Variants in LRCH2 observed in about 807,000 individuals in gnomAD.
LRCH2 encodes the protein leucine-rich repeat and calponin homology domain-containing protein 2.
A neutral mutation model predicts 68.9 loss-of-function variants in LRCH2; 38 were observed. The ratio of observed to expected loss-of-function variants is 0.55; its 90% CI spans 0.43 to 0.72. LRCH2 has a LOEUF of 0.72. Among genes scored for constraint, LRCH2 ranks in the 30% least tolerant of loss-of-function variants. LRCH2 has a pLI of 0.00. For synonymous variants in LRCH2, 191 were observed against 208.1 expected, an observed-to-expected ratio of 0.92 and a Z score of 0.71; for missense variants, 528 against 572.9, an observed-to-expected ratio of 0.92 and a Z score of 0.80.
At chrX:115,118,089 G>A (rs2072099358) in intron 20 of LRCH2, among the ~76,000 whole-genome samples, 1 of 110,447 alleles carries the variant, frequency 9.1e-6, no homozygotes. Context: ...TAGTGAGGTA[G>A]TGAATGCTTG....
Position 115,111,559 on chromosome X carries a change from T to A in LRCH2, c.*1657A>T, listed in dbSNP as rs1010706020. 1.8e-4 allele frequency: 20 copies of A among 110,935 alleles called. 1 individual carries two copies. The highest frequency in any genetic ancestry group is 1.4e-3 in the Admixed American group (14 of 10,286). The allele number at this position is 110,935 out of a possible 1,213,427, so 9.1% of individuals were successfully genotyped here. A position where few individuals can be genotyped will look rare whatever the true frequency, so the allele number is the denominator to read the frequency against. ...AGATTATGTCAGCGAGTTTTTTTTT[T>A]ATCCAACTAAAAAATTAACAACTAA... On this transcript the variant is annotated 3_prime_UTR_variant, in exon 21 of 21. Transcript: ENST00000317135.
At chrX:115,181,153 A>G (rs1331723967) in intron 3 of LRCH2, among the ~76,000 whole-genome samples, 3 of 111,616 alleles carry the variant, frequency 2.7e-5, no homozygotes, top group African/African-American at 9.8e-5. Context: ...AGCGCACCTG[A>G]CAGGTACAAA....
chrX:115,227,534 T>C (rs2073127089), intron 1 of LRCH2, among the ~76,000 whole-genome samples: 1 of 110,146 alleles, frequency 9.1e-6, no homozygotes, highest in Non-Finnish European at 1.9e-5. Context: ...GACACAGTCA[T>C]CTATGTTTAA....
intron 1 of LRCH2, chrX:115,191,730 C>T: frequency 4.3e-6 from 5 of 1,164,705 alleles, no homozygotes; most frequent in Non-Finnish European, 5.7e-6. Context: ...ACAGTGGGGG[C>T]CATGACAGTT....
chrX:115,115,156 T>A (rs1386694371), intron 20 of LRCH2, among the ~76,000 whole-genome samples: 2 of 110,582 alleles, frequency 1.8e-5, no homozygotes, highest in African/African-American at 6.5e-5. Flanking sequence ...GATTCGGTAA[T>A]CCCAGCAAAA....
chrX:115,131,254 C>CG lies in LRCH2; in HGVS notation c.1696-1056_1696-1055insC, dbSNP rs1361041081. ...TATATCTCCTAATGCAATCCCTCCC[C>CG]CCCCCTCCACACCATGACAGGCCCT... On this transcript the variant is annotated intron_variant, in intron 14 of 20. Coordinates refer to ENST00000317135, the MANE Select transcript of LRCH2 (RefSeq NM_020871.4). Among the ~76,000 whole-genome samples, 18 of 85,121 alleles carry CG rather than the reference C, an allele frequency of 2.1e-4. 1 individual carries two copies. The highest frequency in any genetic ancestry group is 2.7e-4 in the Non-Finnish European group (12 of 44,942). The allele number at this position is 85,121 out of a possible 115,157, so 73.9% of individuals were successfully genotyped here. A position where few individuals can be genotyped will look rare whatever the true frequency, so the allele number is the denominator to read the frequency against.
chrX:115,121,798 T>A (rs1556526137), intron 20 of LRCH2, among the ~76,000 whole-genome samples: 1 of 112,077 alleles, frequency 8.9e-6, no homozygotes, highest in Non-Finnish European at 1.9e-5. Flanking sequence ...AGGGAAGAGA[T>A]TAAAGTGGGA....
chrX:115,121,171 TAATA>T lies in LRCH2; in HGVS notation c.2178+1352_2178+1355del, dbSNP rs781822005. Among the ~76,000 whole-genome samples, 335 of 107,732 alleles carry T rather than the reference TAATA, an allele frequency of 3.1e-3. 1 individual carries two copies. The highest frequency in any genetic ancestry group is 8.4e-3 in the African/African-American group (249 of 29,512). 93.6% of individuals were successfully genotyped at this position (107,732 alleles called of 115,157 possible). A position where few individuals can be genotyped will look rare whatever the true frequency, so the allele number is the denominator to read the frequency against. Reference sequence around the variant, plus strand: ...ATGTGCCCTAAAACTTAAAGTATAATAATAAATAAATAAATAAATAAATAAATAA... The same window carrying T: ...ATGTGCCCTAAAACTTAAAGTATAATAATAAATAAATAAATAAATAAATAA... On this transcript the variant is annotated intron_variant, in intron 20 of 20. Coordinates refer to ENST00000317135, the MANE Select transcript of LRCH2 (RefSeq NM_020871.4).
At chrX:115,209,444 T>C (rs2072991457) in intron 1 of LRCH2, among the ~76,000 whole-genome samples, 2 of 112,399 alleles carry the variant, frequency 1.8e-5, no homozygotes, top group Admixed American at 1.9e-4. Flanking sequence ...TATTCTCTTG[T>C]CTGCCACTAT....
rs185017739 is a variant in LRCH2 at position 115,140,762 on chromosome X, A to G, written c.1695+9065T>C. Among the ~76,000 whole-genome samples the G allele has an allele frequency of 2.6e-3, 288 of 111,875 alleles. 3 individuals are homozygous for G. The highest frequency in any genetic ancestry group is 4.4e-3 in the Non-Finnish European group (236 of 53,178). On this transcript the variant is annotated intron_variant, in intron 14 of 20. Transcript: ENST00000317135. ...CTGAGAGAGGTTCCTCTACCTGTGG[A>G]AAGGGGAAAGAAGAGTGGCAAGGAC...
chrX:115,166,728 G>A (rs1384578126), intron 6 of LRCH2, among the ~76,000 whole-genome samples: 1 of 110,386 alleles, frequency 9.1e-6, no homozygotes, highest in African/African-American at 3.3e-5. Flanking sequence ...ACTCTTCATT[G>A]GCTCTAAAAA....
intron 1 of LRCH2, among the ~76,000 whole-genome samples, chrX:115,221,804 G>T (rs781980557): frequency 1.9e-4 from 21 of 110,468 alleles, no homozygotes; most frequent in Admixed American, 5.8e-4. Context: ...AAATCACAGC[G>T]GCTATAATAG....
chrX:115,205,489 G>A (rs1322703250), intron 1 of LRCH2, among the ~76,000 whole-genome samples: 5 of 112,117 alleles, frequency 4.5e-5, no homozygotes, highest in Non-Finnish European at 9.4e-5. Flanking sequence ...ATCATCAAGT[G>A]TACCATATAT....
chrX:115,154,869 T>C (rs2072460662), intron 12 of LRCH2, among the ~76,000 whole-genome samples: 1 of 108,229 alleles, frequency 9.2e-6, no homozygotes, highest in African/African-American at 3.4e-5. Flanking sequence ...AAGAAAATAA[T>C]ACAAGTGGGC....
chrX:115,188,191 AAAAACC>A (rs1240243961), intron 2 of LRCH2, 29 bp downstream of exon 2: 1 of 1,053,065 alleles, frequency 9.5e-7, no homozygotes, highest in Non-Finnish European at 1.2e-6. Flanking sequence ...GAACAACAAT[AAAAACC>A]AAAATTTATT....
At chrX:115,125,651 ACACG>A (rs2072193358) in intron 16 of LRCH2, among the ~76,000 whole-genome samples, 1 of 90,497 alleles carries the variant, frequency 1.1e-5, no homozygotes, top group African/African-American at 4.2e-5. Context: ...ATATATATAT[ACACG>A]TATATATATA....
chrX:115,190,674 C>T (rs929396678), intron 1 of LRCH2: 22 of 566,824 alleles, frequency 3.9e-5, no homozygotes, highest in African/African-American at 9.4e-5. Flanking sequence ...GCAACAGTTA[C>T]GGCCAGAGCC....
intron 3 of LRCH2, 85 bp from the exon 4 acceptor site, chrX:115,179,836 A>C (rs1289756064): frequency 2.9e-6 from 1 of 342,024 alleles, no homozygotes; most frequent in African/African-American, 2.8e-5. Context: ...TTTAAATTAA[A>C]GCACATGGTT....
chrX:115,147,348 T>C (rs2072394171), intron 14 of LRCH2, among the ~76,000 whole-genome samples: 1 of 111,532 alleles, frequency 9.0e-6, no homozygotes, highest in Non-Finnish European at 1.9e-5. Context: ...ATGTCAGTTT[T>C]ATATTTTCTT....
Sources: gnomAD v4.1 joint callset for allele counts (sites outside exome capture counted in the v4.1 genomes callset) on GRCh38, gnomAD v4.1.1 for gene constraint, MANE v1.5 for transcripts, NCBI Gene and HGNC (gene_info 2026-07-23, HGNC 2026-07-21) for gene names.